Variants in ATP8B4 observed in about 807,000 individuals in gnomAD.
ATP8B4 encodes the protein ATPase phospholipid transporting 8B4 (putative), also known as probable phospholipid-transporting ATPase IM.
A neutral mutation model predicts 145.6 loss-of-function variants in ATP8B4; 133 were observed. The ratio of observed to expected loss-of-function variants is 0.91; its 90% CI spans 0.79 to 1.05. The LOEUF is 1.05. ATP8B4 is among the 50% of genes least tolerant of loss of function. The pLI is 0.00. For missense variants in ATP8B4, 1,458 were observed against 1,425.2 expected (o/e 1.02, Z -0.37); for synonymous variants, 507 against 492.9 (o/e 1.03, Z -0.38).
intron 1 of ATP8B4, among the ~76,000 whole-genome samples, chr15:50,135,521 A>C (rs2044109274): frequency 1.3e-5 from 2 of 152,138 alleles, no homozygotes; most frequent in South Asian, 4.1e-4. Flanking sequence ...GTGACCTTTT[A>C]TGTGCACATA....
chr15:50,162,696 C>T (rs903737622), intron 1 of ATP8B4, among the ~76,000 whole-genome samples: 6 of 151,894 alleles, frequency 4.0e-5, no homozygotes, highest in Admixed American at 6.5e-5. Flanking sequence ...TTAGTAGAGG[C>T]GGGGTTTCAC....
chr15:50,053,330 A>C (rs2052339171), intron 3 of ATP8B4, among the ~76,000 whole-genome samples: 1 of 152,236 alleles, frequency 6.6e-6, no homozygotes, highest in South Asian at 2.1e-4. Flanking sequence ...AGCAATAGAC[A>C]TTCTGCTCCA....
At chr15:50,141,177 C>T (rs868654237) in intron 1 of ATP8B4, among the ~76,000 whole-genome samples, 1 of 152,126 alleles carries the variant, frequency 6.6e-6, no homozygotes, top group Non-Finnish European at 1.5e-5. Flanking sequence ...AGACCAGCCA[C>T]AGAAAGAGCG....
At chr15:50,054,195 T>C (rs764214440) in intron 3 of ATP8B4, among the ~76,000 whole-genome samples, 5 of 152,222 alleles carry the variant, frequency 3.3e-5, no homozygotes, top group African/African-American at 4.8e-5. Flanking sequence ...GTTTGTTTCT[T>C]GTTCATGCTA....
At chr15:50,002,124 A>G (rs2047940163) in intron 8 of ATP8B4, 29 bp downstream of exon 8, 1 of 1,554,206 alleles carries the variant, frequency 6.4e-7, no homozygotes, top group Admixed American at 1.7e-5. Flanking sequence ...TTAAAAACCA[A>G]CCAAATTATT....
intron 13 of ATP8B4, among the ~76,000 whole-genome samples, chr15:49,966,627 T>G (rs1399526638): frequency 2.6e-5 from 4 of 152,156 alleles, no homozygotes; most frequent in African/African-American, 9.7e-5. Context: ...GTCAGGGGCT[T>G]ATAGATAAAA....
At chr15:50,135,324 AT>A (rs2044106555) in intron 1 of ATP8B4, among the ~76,000 whole-genome samples, 1 of 152,118 alleles carries the variant, frequency 6.6e-6, no homozygotes, top group Non-Finnish European at 1.5e-5. Context: ...CTCCAACAAT[AT>A]TCTGAATAGT....
chr15:50,034,872 G>A (rs765821174), intron 6 of ATP8B4, among the ~76,000 whole-genome samples: 1 of 152,170 alleles, frequency 6.6e-6, no homozygotes, highest in Non-Finnish European at 1.5e-5. Context: ...CATGACTTGA[G>A]GAAACATCCT....
rs756577155 is a variant in ATP8B4, at chr15:49,866,437, G to A, written c.3075C>T (p.Ile1025=). 2.4e-5 allele frequency: 38 copies of A among 1,613,522 alleles called. No individual in the cohort carries two copies. Among genetic ancestry groups the A allele is most frequent in the Non-Finnish European group, 3.1e-5 (37 of 1,179,546 alleles). The change falls in exon 26 of 28, where the codon ATC becomes ATT. Residue 1025 remains isoleucine (I), a synonymous_variant. Coordinates refer to ENST00000284509, the MANE Select transcript of ATP8B4 (RefSeq NM_024837.4). ...SYWTFINHVF[I]WGSIAIYFSI... ...AGAAATAAATGGCAATGCTCCCCCA[G>A]ATGAAGACGTGATTAATGAAAGTCC... is the stretch of plus-strand genomic sequence containing the variant.
chr15:50,052,958 A>AGG (rs151150314), intron 3 of ATP8B4, among the ~76,000 whole-genome samples: 8 of 152,350 alleles, frequency 5.3e-5, no homozygotes, highest in African/African-American at 1.9e-4. Context: ...TTATTTTAAA[A>AGG]TATCACCCTA....
chr15:49,943,909 A>C (rs2042362251), intron 14 of ATP8B4, among the ~76,000 whole-genome samples: 1 of 152,226 alleles, frequency 6.6e-6, no homozygotes, highest in African/African-American at 2.4e-5. Context: ...AACTGTAACC[A>C]CAATAGCTTA....
chr15:49,994,464 T>C (rs2047267019), intron 9 of ATP8B4, among the ~76,000 whole-genome samples: 1 of 152,144 alleles, frequency 6.6e-6, no homozygotes, highest in Non-Finnish European at 1.5e-5. Context: ...ACTGAGTACC[T>C]ACTATGTGCT....
rs1396939952 is a variant in ATP8B4, at chr15:50,010,932, AAAATT to A, written c.363-20_363-16del. 6.7e-7 allele frequency: 1 copy of A among 1,500,162 alleles called. No homozygotes were observed. Among genetic ancestry groups the A allele is most frequent in the Non-Finnish European group, 9.0e-7 (1 of 1,110,114 alleles). 92.9% of individuals were successfully genotyped at this position (1,500,162 alleles called of 1,614,324 possible). A position where few individuals can be genotyped will look rare whatever the true frequency, so the allele number is the denominator to read the frequency against. ...CATTCTGCAGTCTAAAAACAAAAAT[AAAATT>A]AATTTTCTTCAAGAATGAAGAATTG... On this transcript the variant is annotated splice_polypyrimidine_tract_variant and intron_variant, in intron 6 of 27. Transcript: ENST00000284509.
chr15:49,889,912 C>A (rs993960101), intron 23 of ATP8B4, among the ~76,000 whole-genome samples: 1 of 152,162 alleles, frequency 6.6e-6, no homozygotes, highest in African/African-American at 2.4e-5. Context: ...GAGAGGTACA[C>A]GGAAGAATAT....
At chr15:50,111,079 C>T (rs1343280748) in intron 1 of ATP8B4, among the ~76,000 whole-genome samples, 2 of 152,212 alleles carry the variant, frequency 1.3e-5, no homozygotes, top group African/African-American at 4.8e-5. Flanking sequence ...GCTGGAACTG[C>T]TATTTAAGCA....
intron 6 of ATP8B4, among the ~76,000 whole-genome samples, chr15:50,037,940 T>G (rs1412669504): frequency 6.6e-6 from 1 of 152,226 alleles, no homozygotes; most frequent in Non-Finnish European, 1.5e-5. Flanking sequence ...TCTTGATATC[T>G]TTAGCATTTT....
chr15:49,970,525 G>A (rs1239541763), intron 13 of ATP8B4, among the ~76,000 whole-genome samples: 1 of 152,132 alleles, frequency 6.6e-6, no homozygotes, highest in Non-Finnish European at 1.5e-5. Flanking sequence ...ATTCACAATA[G>A]CTACAAAGAG....
intron 6 of ATP8B4, among the ~76,000 whole-genome samples, chr15:50,037,692 G>A (rs535413160): frequency 1.3e-5 from 2 of 152,298 alleles, no homozygotes; most frequent in East Asian, 3.9e-4. Flanking sequence ...AACCATGGGG[G>A]TCCAGGCACC....
At chr15:50,066,907 A>G (rs991729106) in intron 3 of ATP8B4, among the ~76,000 whole-genome samples, 4 of 151,996 alleles carry the variant, frequency 2.6e-5, no homozygotes, top group African/African-American at 9.7e-5. Flanking sequence ...GTTTTCCCTT[A>G]GTTCTTAACC....
Sources: gnomAD v4.1 joint callset for allele counts (sites outside exome capture counted in the v4.1 genomes callset) on GRCh38, gnomAD v4.1.1 for gene constraint, MANE v1.5 for transcripts, NCBI Gene and HGNC (gene_info 2026-07-23, HGNC 2026-07-21) for gene names.